Variants in LAMA4 observed in about 807,000 individuals in gnomAD.
LAMA4 encodes laminin subunit alpha 4.
LAMA4 carries 127 observed loss-of-function variants against 207.1 expected under a neutral mutation model. The ratio of observed to expected loss-of-function variants is 0.61; its 90% confidence interval spans 0.53 to 0.71. LAMA4 has a LOEUF of 0.71. LAMA4 is among the 30% of genes least tolerant of loss of function. The pLI is 0.00. For synonymous variants in LAMA4, 761 were observed against 816.0 expected (o/e 0.93, Z 1.15); for missense variants, 2,093 against 2,246.5 (o/e 0.93, Z 1.38).
At chr6:112,206,358 T>C (rs1784058141) in intron 4 of LAMA4, among the ~76,000 whole-genome samples, 1 of 152,212 alleles carries the variant, frequency 6.6e-6, no homozygotes, top group Non-Finnish European at 1.5e-5. Context: ...GAGTTGGTCA[T>C]TTGGAAAACC....
At position 112,149,988 on chromosome 6, in the gene LAMA4, G is replaced by T. The variant is rs138548611; in HGVS notation, c.2173+523C>A. On this transcript the variant is annotated intron_variant, in intron 17 of 38. Coordinates refer to ENST00000230538, the MANE Select transcript of LAMA4 (RefSeq NM_001105206.3). ...CAGATTAAGCAAAACGTGTGCTTTT[G>T]TTTCTCTATTTGGGCTTGTTGGTCT... Among the ~76,000 whole-genome samples, 441 of 152,244 alleles carry T rather than the reference G, an allele frequency of 2.9e-3. 2 individuals are homozygous for T. Among genetic ancestry groups the T allele is most frequent in the African/African-American group, 0.01 (420 of 41,540 alleles).
In LAMA4 at chr6:112,192,893, A is replaced by T. The variant is rs147907408; in HGVS notation, c.504-1043T>A. On this transcript the variant is annotated intron_variant, in intron 5 of 38. Coordinates refer to ENST00000230538, the MANE Select transcript of LAMA4 (RefSeq NM_001105206.3). ...GTTGCCAGCCTAGAGCCTTGAGAGG[A>T]TGAAGGACCTATGTTGCCATATTTT... Among the ~76,000 whole-genome samples the T allele has an allele frequency of 4.8e-4, 73 of 152,352 alleles. No individual in the cohort carries two copies. In the East Asian group the frequency reaches 0.013, roughly 28 times the overall value.
rs782601311 is a variant in LAMA4, at chr6:112,154,873, T to G, written c.2034A>C (p.Glu678Asp). Residue 678 changes from glutamate (E) to aspartate (D), a missense_variant, in exon 16 of 39, where the codon GAA becomes GAC. Around this residue, in one of 3 missense-constraint regions of LAMA4, gnomAD observed 1,704 missense variants for 1,788.4 expected, o/e 0.95. Coordinates refer to ENST00000230538, the MANE Select transcript of LAMA4 (RefSeq NM_001105206.3). ...ESENLLNQAR[E>D]LQAKAESSSD... ...TACTAGACTCTGCCTTTGCTTGCAG[T>G]TCTCTGGCTTGATTGAGGAGGTTCT... The G allele has an allele frequency of 1.9e-6, 3 of 1,611,866 alleles. No individual in the cohort carries two copies. Among genetic ancestry groups the G allele is most frequent in the Non-Finnish European group, 2.5e-6 (3 of 1,177,966 alleles).
Position 112,242,358 on chromosome 6 carries a change from C to T in LAMA4, c.195+11598G>A, listed in dbSNP as rs114551642. On this transcript the variant is annotated intron_variant, in intron 2 of 38. Coordinates refer to ENST00000230538, the MANE Select transcript of LAMA4 (RefSeq NM_001105206.3). ...AGGTAGTATGGGTGAGCTTGTGAACCCCCTTACTAGACTTAGCCATAATTT... is the reference window on the plus strand; with the variant it reads ...AGGTAGTATGGGTGAGCTTGTGAACTCCCTTACTAGACTTAGCCATAATTT... Among the ~76,000 whole-genome samples the T allele has an allele frequency of 1.8e-3, 274 of 152,194 alleles. 1 individual carries two copies. The highest frequency in any genetic ancestry group is 6.4e-3 in the African/African-American group (264 of 41,518).
At position 112,175,336 on chromosome 6, in the gene LAMA4, T is replaced by G. The variant is rs1781959783; in HGVS notation, c.1334A>C (p.Glu445Ala). The change falls in exon 11 of 39, where the codon GAG (glutamate) becomes GCG (alanine). Residue 445 changes from glutamate (E) to alanine (A), a missense_variant. This residue lies in a region of LAMA4 where 1,704 missense variants were observed against 1,788.4 expected (regional missense o/e 0.95). Coordinates refer to ENST00000230538, the MANE Select transcript of LAMA4 (RefSeq NM_001105206.3). ...PFFTQRELVD[E>A]EADEAYELLS... is the part of the protein sequence containing the mutation. Reference sequence around the variant, plus strand: ...ACGTTCGTAAGCCTCATCTGCCTCCTCATCCACGAGCTCCCGTTGGGTGAA... The same window carrying G: ...ACGTTCGTAAGCCTCATCTGCCTCCGCATCCACGAGCTCCCGTTGGGTGAA... The G allele has an allele frequency of 1.9e-6, 3 of 1,614,168 alleles. No homozygotes were observed. The highest frequency in any genetic ancestry group is 2.5e-6 in the Non-Finnish European group (3 of 1,180,000).
At chr6:112,211,981 T>G (rs1784377693) in intron 3 of LAMA4, among the ~76,000 whole-genome samples, 1 of 151,924 alleles carries the variant, frequency 6.6e-6, no homozygotes, top group South Asian at 2.1e-4. Context: ...TCAGGGAGGT[T>G]GTGGCTGTGA....
chr6:112,169,974 T>C (rs1174399969), intron 12 of LAMA4, among the ~76,000 whole-genome samples: 1 of 152,258 alleles, frequency 6.6e-6, no homozygotes, highest in Non-Finnish European at 1.5e-5. Flanking sequence ...GCAGATACTT[T>C]GGTTCTCAGT....
intron 2 of LAMA4, among the ~76,000 whole-genome samples, chr6:112,217,044 C>T (rs1784668158): frequency 6.6e-6 from 1 of 152,114 alleles, no homozygotes; most frequent in African/African-American, 2.4e-5. Flanking sequence ...TTGTCAAGTC[C>T]TGTGTGGGTG....
intron 18 of LAMA4, among the ~76,000 whole-genome samples, chr6:112,146,221 C>T (rs576834601): frequency 6.6e-6 from 1 of 151,770 alleles, no homozygotes; most frequent in Admixed American, 6.6e-5. Flanking sequence ...ACCCGAGAGG[C>T]AGAGGTTGCA....
In LAMA4 at chr6:112,134,469, G is replaced by T; in HGVS notation, c.3555C>A (p.Ser1185=). 6.2e-7 allele frequency: 1 copy of T among 1,613,316 alleles called. No individual in the cohort carries two copies. Among genetic ancestry groups the T allele is most frequent in the South Asian group, 1.1e-5 (1 of 91,056 alleles). Residue 1185 remains serine, a splice_region_variant and synonymous_variant, in exon 26 of 39, where the codon TCC becomes TCA. Transcript: ENST00000230538. ...IGGAPPEILQ[S]RALRAHLPLD... ...AGCTACTTAACAAAAAGCCTTACCT[G>T]GATTGTAAGATTTCTGGAGGAGCTC...
chr6:112,129,990 T>G lies in LAMA4; in HGVS notation c.4019A>C (p.Lys1340Thr), dbSNP rs782011021. 1 of 1,613,396 alleles carries G rather than the reference T, an allele frequency of 6.2e-7. No homozygotes were observed. Among genetic ancestry groups the G allele is most frequent in the Admixed American group, 1.7e-5 (1 of 59,960 alleles). The change falls in exon 30 of 39, where the codon AAA becomes ACA. Residue 1340 changes from lysine (K) to threonine (T), a missense_variant. Around this residue, in one of 3 missense-constraint regions of LAMA4, gnomAD observed 1,704 missense variants for 1,788.4 expected, o/e 0.95. Coordinates refer to ENST00000230538, the MANE Select transcript of LAMA4 (RefSeq NM_001105206.3). Reference sequence around the variant, plus strand: ...TGCTTGTGTCTGTTCTATTTTCCCTTTGGTAGGATTCTTACTCCCAACTCT... The same window carrying G: ...TGCTTGTGTCTGTTCTATTTTCCCTGTGGTAGGATTCTTACTCCCAACTCT... ...KSRVGSKNPT[K>T]GKIEQTQASE...
At chr6:112,192,940 A>T (rs565697764) in intron 5 of LAMA4, among the ~76,000 whole-genome samples, 14 of 152,188 alleles carry the variant, frequency 9.2e-5, no homozygotes, top group Admixed American at 2.6e-4. Context: ...AAAAAGTGGA[A>T]ATTTGGATGT....
At chr6:112,196,115 T>A (rs1554350430) in intron 5 of LAMA4, among the ~76,000 whole-genome samples, 1 of 152,168 alleles carries the variant, frequency 6.6e-6, no homozygotes, top group Non-Finnish European at 1.5e-5. Context: ...CCATGTATAA[T>A]GACCAAATCA....
At chr6:112,185,170 C>T in intron 9 of LAMA4, 67 bp downstream of exon 9, 1 of 1,057,728 alleles carries the variant, frequency 9.5e-7, no homozygotes, top group African/African-American at 1.6e-5. Context: ...TTGTGACCAG[C>T]CAGCCTCACA....
chr6:112,174,595 C>T (rs566456076), intron 11 of LAMA4, among the ~76,000 whole-genome samples: 3 of 152,182 alleles, frequency 2.0e-5, no homozygotes, highest in African/African-American at 4.8e-5. Context: ...CAGGTTCAAG[C>T]GATTCTCCTG....
chr6:112,191,737 G>C lies in LAMA4; in HGVS notation c.617C>G (p.Thr206Ser), dbSNP rs782334051. The stretch of plus-strand genomic sequence containing the variant: ...GCGTAAGCAATTCCTACACTGGCCA[G>C]TGACTTCATCACAATCTTCAAAGAT... ...NLIFEDCDEVTGQCRNCLRNT... is the reference protein window; with the variant it reads ...NLIFEDCDEVSGQCRNCLRNT... Residue 206 changes from threonine to serine, a missense_variant, in exon 6 of 39, where the codon ACT (threonine) becomes AGT (serine). By Grantham distance (58) the Thr-to-Ser change is moderately conservative. This residue lies in a region of LAMA4 where 1,704 missense variants were observed against 1,788.4 expected (regional missense o/e 0.95). Coordinates refer to ENST00000230538, the MANE Select transcript of LAMA4 (RefSeq NM_001105206.3). 1 of 1,614,074 alleles carries C rather than the reference G, an allele frequency of 6.2e-7. No homozygotes were observed. Among genetic ancestry groups the C allele is most frequent in the South Asian group, 1.1e-5 (1 of 91,084 alleles).
At chr6:112,122,730 T>G (rs1385063573) in intron 31 of LAMA4, among the ~76,000 whole-genome samples, 1 of 152,248 alleles carries the variant, frequency 6.6e-6, no homozygotes, top group East Asian at 1.9e-4. Context: ...AAACAATTTT[T>G]AAACACATTG....
At position 112,134,475 on chromosome 6, in the gene LAMA4, T is replaced by C. The variant is rs782300468; in HGVS notation, c.3549A>G (p.Leu1183=). ...IYIGGAPPEI[L]QSRALRAHLP... ...TTAACAAAAAGCCTTACCTGGATTG[T>C]AAGATTTCTGGAGGAGCTCCTCCAA... The change falls in exon 26 of 39, where the codon TTA becomes TTG. Residue 1183 remains leucine (L), a synonymous_variant. Coordinates refer to ENST00000230538, the MANE Select transcript of LAMA4 (RefSeq NM_001105206.3). 2.5e-6 allele frequency: 4 copies of C among 1,613,572 alleles called. No homozygotes were observed. In the South Asian group the frequency reaches 4.4e-5, roughly 18 times the overall value.
At chr6:112,251,960 T>A (rs1787492380) in intron 2 of LAMA4, among the ~76,000 whole-genome samples, 1 of 152,208 alleles carries the variant, frequency 6.6e-6, no homozygotes, top group African/African-American at 2.4e-5. Flanking sequence ...AGAATATAGA[T>A]AAACAGATAT....
Sources: gnomAD v4.1 joint callset for allele counts (sites outside exome capture counted in the v4.1 genomes callset) on GRCh38, gnomAD v4.1.1 for gene constraint, gnomAD v4.1.1 regional missense constraint, MANE v1.5 for transcripts, NCBI Gene and HGNC (gene_info 2026-07-23, HGNC 2026-07-21) for gene names.